Variants in RTN1 observed in about 807,000 individuals in gnomAD.
RTN1 encodes reticulon-1.
In RTN1, 25 loss-of-function variants were observed where a neutral mutation model predicts 65.5. That is an observed-to-expected ratio of 0.38 (90% CI 0.28 to 0.53). The LOEUF is 0.53. RTN1 is among the 20% of genes least tolerant of loss of function. The pLI, the probability that RTN1 is intolerant of heterozygous loss-of-function variation, is 0.79. For missense variants in RTN1, 983 were observed against 1,025.4 expected (o/e 0.96, Z 0.57); for synonymous variants, 471 against 447.6 (o/e 1.05, Z -0.66).
intron 3 of RTN1, among the ~76,000 whole-genome samples, chr14:59,672,072 G>A (rs139547525): frequency 6.6e-6 from 1 of 152,146 alleles, no homozygotes; most frequent in East Asian, 1.9e-4. Context: ...TTCTCTCTTG[G>A]CTTTAGGATG....
intron 1 of RTN1, among the ~76,000 whole-genome samples, chr14:59,800,440 C>G (rs538691924): frequency 2.0e-5 from 3 of 152,018 alleles, no homozygotes; most frequent in African/African-American, 4.8e-5. Context: ...TCACTCTGTC[C>G]CCCAGGCTGG....
intron 1 of RTN1, among the ~76,000 whole-genome samples, chr14:59,756,004 G>T (rs1006623804): frequency 3.9e-5 from 6 of 152,170 alleles, no homozygotes; most frequent in African/African-American, 1.4e-4. Context: ...TCAGCAATTT[G>T]TTCTTTTCTC....
intron 1 of RTN1, among the ~76,000 whole-genome samples, chr14:59,763,598 T>A (rs945520559): frequency 1.3e-5 from 2 of 150,834 alleles, no homozygotes; most frequent in African/African-American, 2.4e-5. Flanking sequence ...AGTGGCACGA[T>A]CTCGGCTCAC....
intron 1 of RTN1, among the ~76,000 whole-genome samples, chr14:59,809,065 C>T (rs957690600): frequency 3.7e-4 from 57 of 152,234 alleles, no homozygotes; most frequent in African/African-American, 1.3e-3. Context: ...TTTCTAAAAA[C>T]ACTTTTGCAT....
At chr14:59,674,790 G>C (rs1193080407) in intron 3 of RTN1, among the ~76,000 whole-genome samples, 2 of 152,156 alleles carry the variant, frequency 1.3e-5, no homozygotes, top group Admixed American at 6.5e-5. Context: ...AAGTAGCAAA[G>C]AGAAGTTAAT....
intron 1 of RTN1, among the ~76,000 whole-genome samples, chr14:59,854,088 G>T (rs1887559045): frequency 6.6e-6 from 1 of 151,838 alleles, no homozygotes; most frequent in Non-Finnish European, 1.5e-5. Flanking sequence ...TTGAACTCCT[G>T]ACCTCAGGTG....
intron 1 of RTN1, among the ~76,000 whole-genome samples, chr14:59,861,161 T>C (rs1227875478): frequency 6.6e-6 from 1 of 152,184 alleles, no homozygotes; most frequent in Non-Finnish European, 1.5e-5. Flanking sequence ...AAATTTCATC[T>C]TGAATTCCCA....
At chr14:59,700,500 A>G (rs932532797) in intron 3 of RTN1, among the ~76,000 whole-genome samples, 3 of 152,196 alleles carry the variant, frequency 2.0e-5, no homozygotes, top group Non-Finnish European at 2.9e-5. Flanking sequence ...AGTCAAGATA[A>G]TATGATACTA....
At chr14:59,656,710 C>T (rs573630648) in intron 3 of RTN1, among the ~76,000 whole-genome samples, 1 of 152,328 alleles carries the variant, frequency 6.6e-6, no homozygotes, top group East Asian at 1.9e-4. Context: ...TTATTGCTGT[C>T]CCTTTCCTGG....
At chr14:59,833,605 G>A (rs563587331) in intron 1 of RTN1, among the ~76,000 whole-genome samples, 1 of 152,218 alleles carries the variant, frequency 6.6e-6, no homozygotes, top group Admixed American at 6.5e-5. Flanking sequence ...TGTCCTGGGA[G>A]TTTGGTGTAC....
In RTN1 at chr14:59,870,422, T is replaced by G; in HGVS notation, c.209A>C (p.Gln70Pro). 1.3e-6 allele frequency: 2 copies of G among 1,522,484 alleles called. No homozygotes were observed. Among genetic ancestry groups the G allele is most frequent in the Admixed American group, 2.1e-5 (1 of 48,322 alleles). The allele number at this position is 1,522,484 out of a possible 1,614,324, so 94.3% of individuals were successfully genotyped here. The change falls in exon 1 of 9, where the codon CAG (glutamine) becomes CCG (proline). Residue 70 changes from glutamine to proline, a missense_variant. Gln to Pro is a moderately conservative substitution (Grantham distance 76). Coordinates refer to ENST00000267484, the MANE Select transcript of RTN1 (RefSeq NM_021136.3). The surrounding 1 kb of genome is among the most constrained non-coding windows in gnomAD (Gnocchi z 5.1). ...SREAGSGPAR[Q>P]SPVAMETAST... ...TGCAGTTTCCATGGCAACGGGCGACTGCCGGGCGGGGCCCGAGCCGGCTTC... is the reference window on the plus strand; with the variant it reads ...TGCAGTTTCCATGGCAACGGGCGACGGCCGGGCGGGGCCCGAGCCGGCTTC...
chr14:59,748,334 G>C (rs536908304), intron 1 of RTN1, among the ~76,000 whole-genome samples: 2 of 150,812 alleles, frequency 1.3e-5, no homozygotes, highest in South Asian at 4.2e-4. Flanking sequence ...CAGTGGAAAA[G>C]CACAAAGCCT....
chr14:59,831,624 A>T (rs1396921774), intron 1 of RTN1, among the ~76,000 whole-genome samples: 1 of 152,122 alleles, frequency 6.6e-6, no homozygotes, highest in Admixed American at 6.5e-5. Flanking sequence ...GTGTATGTAT[A>T]ATATGGATTT....
rs189484777 is a variant in RTN1, at chr14:59,667,457, C to T, written c.1765+59462G>A. 7.7e-3 allele frequency among the ~76,000 whole-genome samples: 1,173 copies of T among 152,112 alleles called. 17 individuals carry two copies. The highest frequency in any genetic ancestry group is 0.025 in the African/African-American group (1,052 of 41,514). ...ATCAACTAGGTATTGATGGAACATA[C>T]CTCAAAATAATAAGAGATATTTTTG... On this transcript the variant is annotated intron_variant, in intron 3 of 8. Coordinates refer to ENST00000267484, the MANE Select transcript of RTN1 (RefSeq NM_021136.3).
chr14:59,838,603 T>G (rs1015496603), intron 1 of RTN1, among the ~76,000 whole-genome samples: 1 of 152,100 alleles, frequency 6.6e-6, no homozygotes, highest in Non-Finnish European at 1.5e-5. Context: ...TGAAAAAAAT[T>G]AAGCCACTAC....
At chr14:59,657,644 AG>A (rs1169611841) in intron 3 of RTN1, among the ~76,000 whole-genome samples, 1 of 152,188 alleles carries the variant, frequency 6.6e-6, no homozygotes, top group African/African-American at 2.4e-5. Flanking sequence ...GCAAGGGGTC[AG>A]GGAACTCCCT....
Position 59,849,270 on chromosome 14 carries a change from T to C in RTN1, c.241+21120A>G, listed in dbSNP as rs114701636. On this transcript the variant is annotated intron_variant, in intron 1 of 8. Transcript: ENST00000267484. This position sits in a 1 kb window ranked among gnomAD's most constrained non-coding sequence, Gnocchi z 4.5. ...TGCCTAGCACTAGGTGCTAAATACA[T>C]GTCAACTTCTTTCTCTTTTATCTAT... 4.8e-3 allele frequency among the ~76,000 whole-genome samples: 724 copies of C among 152,324 alleles called. 7 individuals carry two copies. The highest frequency in any genetic ancestry group is 0.017 in the African/African-American group (711 of 41,572).
chr14:59,749,378 CTATATCTATA>C (rs1474052135), intron 1 of RTN1, among the ~76,000 whole-genome samples: 1,396 of 32,314 alleles, frequency 0.043, 325 homozygotes, highest in African/African-American at 0.17. Context: ...ATCTATATAT[CTATATCTATA>C]TATATCTATA....
Position 59,603,057 on chromosome 14 carries a change from T to G in RTN1, c.2288+8A>C. 6.2e-7 allele frequency: 1 copy of G among 1,612,700 alleles called. No individual in the cohort carries two copies. The highest frequency in any genetic ancestry group is 8.5e-7 in the Non-Finnish European group (1 of 1,178,966). ...CTCTCCTTTTATGCATTGCACTATGTGACTTACTTTGCCACAACAGCATTT... is the reference window on the plus strand; with the variant it reads ...CTCTCCTTTTATGCATTGCACTATGGGACTTACTTTGCCACAACAGCATTT... On this transcript the variant is annotated splice_region_variant and intron_variant, in intron 8 of 8. Transcript: ENST00000267484.
Sources: gnomAD v4.1 joint callset for allele counts (sites outside exome capture counted in the v4.1 genomes callset) on GRCh38, gnomAD v4.1.1 for gene constraint, Gnocchi (gnomAD v3.1) non-coding constraint, MANE v1.5 for transcripts, NCBI Gene and HGNC (gene_info 2026-07-23, HGNC 2026-07-21) for gene names.